Variants in PCYT1A observed in about 807,000 individuals in gnomAD.
The protein encoded by PCYT1A is phosphate cytidylyltransferase 1A, choline.
A neutral mutation model predicts 43.7 loss-of-function variants in PCYT1A; 25 were observed. The ratio of observed to expected loss-of-function variants is 0.57; its 90% CI spans 0.42 to 0.80. PCYT1A has a LOEUF of 0.80. PCYT1A is among the 30% of genes least tolerant of loss of function. PCYT1A has a pLI of 0.00. For missense variants in PCYT1A, 421 were observed against 474.2 expected (o/e 0.89, Z 1.04); for synonymous variants, 172 against 170.7 (o/e 1.01, Z -0.06).
rs897791840 is a variant in PCYT1A, at chr3:196,247,901, A to G, written c.334+306T>C. 8.3e-6 allele frequency: 4 copies of G among 484,514 alleles called. No homozygotes were observed. Among genetic ancestry groups the G allele is most frequent in the Non-Finnish European group, 1.5e-5 (4 of 265,070 alleles). 30.0% of individuals were successfully genotyped at this position (484,514 alleles called of 1,614,324 possible). On this transcript the variant is annotated intron_variant, in intron 4 of 8. Transcript: ENST00000431016. This position sits in a 1 kb window ranked among gnomAD's most constrained non-coding sequence, Gnocchi z 4.8. ...CAGACTTTTGTACTCCAGTTAATTC[A>G]AAATGATAAACTGAAATCTAAAGCA...
chr3:196,286,829 G>A (rs1236220004), intron 1 of PCYT1A, among the ~76,000 whole-genome samples: 2 of 152,206 alleles, frequency 1.3e-5, no homozygotes, highest in African/African-American at 2.4e-5. Context: ...CAAGAGAATC[G>A]CTTGAACCAG....
chr3:196,256,852 T>C (rs898161226), intron 3 of PCYT1A, among the ~76,000 whole-genome samples: 1 of 152,190 alleles, frequency 6.6e-6, no homozygotes, highest in East Asian at 1.9e-4. Flanking sequence ...CACTTCTATT[T>C]GTATTTCACT....
intron 5 of PCYT1A, among the ~76,000 whole-genome samples, chr3:196,246,021 G>A (rs1724560435): frequency 6.6e-6 from 1 of 151,936 alleles, no homozygotes; most frequent in Admixed American, 6.6e-5. Context: ...AAAGAGAAAA[G>A]GGGAGTTAGA....
chr3:196,259,911 CTTTTTTTTTTTTT>C (rs779918737), intron 2 of PCYT1A, among the ~76,000 whole-genome samples: 4 of 48,952 alleles, frequency 8.2e-5, no homozygotes, highest in African/African-American at 2.4e-4. Context: ...TGGAAACATT[CTTTTTTTTTTTTT>C]TTTTTTTTTT....
chr3:196,267,245 C>A (rs1338831258), intron 2 of PCYT1A: 9 of 439,258 alleles, frequency 2.0e-5, no homozygotes, highest in Non-Finnish European at 3.6e-5. Context: ...TCAAAACAAG[C>A]TCAGTGAAAG....
rs1725514947 is a variant in PCYT1A, at chr3:196,273,962, G to T, written c.-10-3421C>A. Among the ~76,000 whole-genome samples the T allele has an allele frequency of 6.6e-6, 1 of 152,244 alleles. No individual in the cohort carries two copies. The highest frequency in any genetic ancestry group is 1.5e-5 in the Non-Finnish European group (1 of 68,032). ...CCAGGCTATTCACGAAGGGGCGCCTGCAGGCCTGAATGGAGCTGCTCTCAG... is the reference window on the plus strand; with the variant it reads ...CCAGGCTATTCACGAAGGGGCGCCTTCAGGCCTGAATGGAGCTGCTCTCAG... On this transcript the variant is annotated intron_variant, in intron 1 of 8. Coordinates refer to ENST00000431016, the MANE Select transcript of PCYT1A (RefSeq NM_001312673.2). The surrounding 1 kb of genome is among the most constrained non-coding windows in gnomAD (Gnocchi z 4.1).
chr3:196,245,095 C>CATAA (rs147083544), intron 5 of PCYT1A, among the ~76,000 whole-genome samples: 4 of 147,824 alleles, frequency 2.7e-5, no homozygotes, highest in South Asian at 2.1e-4. Flanking sequence ...AATAAAAATA[C>CATAA]ATAAATAAAT....
chr3:196,284,896 T>A (rs1045122227), intron 1 of PCYT1A, among the ~76,000 whole-genome samples: 2 of 152,216 alleles, frequency 1.3e-5, no homozygotes, highest in Admixed American at 1.3e-4. Context: ...CCCTGGGTAG[T>A]TCCTTTTAGC....
intron 1 of PCYT1A, among the ~76,000 whole-genome samples, chr3:196,274,786 TGAA>T (rs1199345954): frequency 6.6e-6 from 1 of 152,206 alleles, no homozygotes; most frequent in Admixed American, 6.5e-5. Context: ...TCTTAGAAGC[TGAA>T]GGTGACACCC....
At chr3:196,279,286 CAA>C (rs532624855) in intron 1 of PCYT1A, among the ~76,000 whole-genome samples, 14 of 108,542 alleles carry the variant, frequency 1.3e-4, no homozygotes, top group Non-Finnish European at 1.1e-4. Context: ...GAAACTCTAT[CAA>C]AAAAAAAAAA....
At chr3:196,239,445 ACTAGATAACTTCT>A in intron 8 of PCYT1A, 89 bp downstream of exon 8, 3 of 704,658 alleles carry the variant, frequency 4.3e-6, no homozygotes, top group Non-Finnish European at 7.3e-6. Flanking sequence ...AAGGGGATAG[ACTAGATAACTTCT>A]CAGTGTCGAT....
chr3:196,281,272 T>C (rs942477242), intron 1 of PCYT1A, among the ~76,000 whole-genome samples: 3 of 152,252 alleles, frequency 2.0e-5, no homozygotes, highest in Non-Finnish European at 2.9e-5. Flanking sequence ...TCATTAATCC[T>C]ATCATCTTGC....
Position 196,242,787 on chromosome 3 carries a change from A to G in PCYT1A, c.487-147T>C. On this transcript the variant is annotated intron_variant, in intron 5 of 8. Coordinates refer to ENST00000431016, the MANE Select transcript of PCYT1A (RefSeq NM_001312673.2). This position sits in a 1 kb window ranked among gnomAD's most constrained non-coding sequence, Gnocchi z 4.2. ...TCTCTTTGCTTTGCTCATAAATTCT[A>G]CAATCTATTCACAAACCACCCAACC... 3.1e-6 allele frequency: 2 copies of G among 646,920 alleles called. No homozygotes were observed. The highest frequency in any genetic ancestry group is 5.6e-6 in the Non-Finnish European group (2 of 355,162). The allele number at this position is 646,920 out of a possible 1,614,324, so 40.1% of individuals were successfully genotyped here.
At chr3:196,262,809 T>C (rs901924703) in intron 2 of PCYT1A, among the ~76,000 whole-genome samples, 2 of 152,006 alleles carry the variant, frequency 1.3e-5, no homozygotes, top group Non-Finnish European at 2.9e-5. Flanking sequence ...TTTGGCTTTT[T>C]TTTGTGAGAC....
chr3:196,263,758 G>A lies in PCYT1A; in HGVS notation c.118-5871C>T, dbSNP rs1178023372. Among the ~76,000 whole-genome samples, 4 of 152,106 alleles carry A rather than the reference G, an allele frequency of 2.6e-5. No homozygotes were observed. The East Asian group carries it at 7.7e-4, about 29-fold the overall frequency. ...AGCAATTCTCCTGCCTCAGCCTCCG[G>A]AGTAGCTGGGACTACAGGCACCCAC... On this transcript the variant is annotated intron_variant, in intron 2 of 8. Transcript: ENST00000431016.
chr3:196,247,824 C>A lies in PCYT1A; in HGVS notation c.335-306G>T. The A allele has an allele frequency of 1.9e-6, 1 of 537,762 alleles. No homozygotes were observed. The highest frequency in any genetic ancestry group is 3.4e-6 in the Non-Finnish European group (1 of 293,596). The allele number at this position is 537,762 out of a possible 1,614,324, so 33.3% of individuals were successfully genotyped here. A position where few individuals can be genotyped will look rare whatever the true frequency, so the allele number is the denominator to read the frequency against. On this transcript the variant is annotated intron_variant, in intron 4 of 8. Coordinates refer to ENST00000431016, the MANE Select transcript of PCYT1A (RefSeq NM_001312673.2). The surrounding 1 kb of genome is among the most constrained non-coding windows in gnomAD (Gnocchi z 4.8). The stretch of plus-strand genomic sequence containing the variant: ...TGTCTGCATCAATTAAGTCCTTAAA[C>A]ATGTTTTCCTGTTTTATTCACACTG...
chr3:196,276,505 A>C (rs1725594635), intron 1 of PCYT1A, among the ~76,000 whole-genome samples: 1 of 151,880 alleles, frequency 6.6e-6, no homozygotes, highest in African/African-American at 2.4e-5. Flanking sequence ...CAGGAGACTG[A>C]GGCGGGAGGA....
intron 2 of PCYT1A, among the ~76,000 whole-genome samples, chr3:196,267,897 G>T (rs1285571057): frequency 6.6e-6 from 1 of 152,160 alleles, no homozygotes; most frequent in Non-Finnish European, 1.5e-5. Context: ...GAGATTCAGA[G>T]CTAGAAAGTA....
Position 196,242,269 on chromosome 3 carries a change from T to C in PCYT1A, c.566-179A>G. ...GGTAGACCGAATCAAAGGCCAGAGG[T>C]AAGGCAAAGAAGAGTTACATAGCCC... On this transcript the variant is annotated intron_variant, in intron 6 of 8. Coordinates refer to ENST00000431016, the MANE Select transcript of PCYT1A (RefSeq NM_001312673.2). This position sits in a 1 kb window ranked among gnomAD's most constrained non-coding sequence, Gnocchi z 4.2. 1.5e-6 allele frequency: 1 copy of C among 669,446 alleles called. No homozygotes were observed. The highest frequency in any genetic ancestry group is 2.6e-6 in the Non-Finnish European group (1 of 386,582). The allele number at this position is 669,446 out of a possible 1,614,324, so 41.5% of individuals were successfully genotyped here. A position where few individuals can be genotyped will look rare whatever the true frequency, so the allele number is the denominator to read the frequency against.
Sources: gnomAD v4.1 joint callset for allele counts (sites outside exome capture counted in the v4.1 genomes callset) on GRCh38, gnomAD v4.1.1 for gene constraint, Gnocchi (gnomAD v3.1) non-coding constraint, MANE v1.5 for transcripts, NCBI Gene and HGNC (gene_info 2026-07-23, HGNC 2026-07-21) for gene names.